PITPNC1: variants seen among roughly 807,000 people sequenced by gnomAD.
PITPNC1 encodes the protein cytoplasmic phosphatidylinositol transfer protein 1.
Under a neutral mutation model 44.7 loss-of-function variants are expected in PITPNC1, and 18 were observed. The observed-to-expected ratio is 0.40, with a 90% CI of 0.28 to 0.60. The LOEUF (loss-of-function observed/expected upper bound fraction) is 0.60, where lower values mean the gene tolerates loss of function less well. Among genes scored for constraint, PITPNC1 ranks in the 20% least tolerant of loss-of-function variants. The pLI is 0.39. For missense variants in PITPNC1, 290 were observed against 418.4 expected (o/e 0.69, Z 2.68); for synonymous variants, 141 against 149.6 (o/e 0.94, Z 0.42).
At chr17:67,510,056 T>C (rs946286782) in intron 1 of PITPNC1, among the ~76,000 whole-genome samples, 3 of 152,208 alleles carry the variant, frequency 2.0e-5, no homozygotes, top group Admixed American at 6.5e-5. Flanking sequence ...GTTCCTCCTA[T>C]TGGGAGGCTT....
chr17:67,692,623 C>T lies in PITPNC1; in HGVS notation c.734C>T (p.Thr245Ile), dbSNP rs1326661123. Residue 245 changes from threonine to isoleucine, a missense_variant, in exon 9 of 9, where the codon ACC becomes ATC. Coordinates refer to ENST00000581322, the MANE Select transcript of PITPNC1 (RefSeq NM_012417.4). ...REFERATQEA[T>I]NKKIGIFPPA... ...TTTGAACGAGCCACTCAGGAAGCCACCAACAAGAAAATCGGCATTTTCCCA... is the reference window on the plus strand; with the variant it reads ...TTTGAACGAGCCACTCAGGAAGCCATCAACAAGAAAATCGGCATTTTCCCA... 1.2e-6 allele frequency: 2 copies of T among 1,613,706 alleles called. No individual in the cohort carries two copies. Among genetic ancestry groups the T allele is most frequent in the Non-Finnish European group, 1.7e-6 (2 of 1,179,766 alleles).
At chr17:67,552,709 C>T (rs942408281) in intron 3 of PITPNC1, among the ~76,000 whole-genome samples, 3 of 151,276 alleles carry the variant, frequency 2.0e-5, no homozygotes, top group Admixed American at 6.6e-5. Context: ...GGTGAAACCC[C>T]GTCTCTACTA....
intron 2 of PITPNC1, among the ~76,000 whole-genome samples, chr17:67,534,553 G>A (rs1381274569): frequency 2.0e-5 from 3 of 151,798 alleles, no homozygotes; most frequent in East Asian, 1.9e-4. Context: ...TGGGAGGATC[G>A]CTTGAGCCTG....
intron 1 of PITPNC1, among the ~76,000 whole-genome samples, chr17:67,413,509 C>T (rs2038540553): frequency 6.6e-6 from 1 of 151,768 alleles, no homozygotes; most frequent in Admixed American, 6.6e-5. Context: ...GTCATCATTA[C>T]TGTCATGCTG....
At position 67,663,295 on chromosome 17, in the gene PITPNC1, C is replaced by T. The variant is rs74377566; in HGVS notation, c.463-6213C>T. Among the ~76,000 whole-genome samples the T allele has an allele frequency of 5.9e-4, 89 of 152,128 alleles. No homozygotes were observed. In the East Asian group the frequency reaches 0.013, roughly 22 times the overall value. On this transcript the variant is annotated intron_variant, in intron 6 of 8. Coordinates refer to ENST00000581322, the MANE Select transcript of PITPNC1 (RefSeq NM_012417.4). ...TTAAAAGTTGAAGCAGTAGGCCGGGCGCGGTGGCTCCTGCCTGTAATCCCA... is the reference window on the plus strand; with the variant it reads ...TTAAAAGTTGAAGCAGTAGGCCGGGTGCGGTGGCTCCTGCCTGTAATCCCA...
At chr17:67,439,790 G>A (rs1255193184) in intron 1 of PITPNC1, among the ~76,000 whole-genome samples, 2 of 152,084 alleles carry the variant, frequency 1.3e-5, no homozygotes, top group Non-Finnish European at 2.9e-5. Flanking sequence ...CACGGATTGT[G>A]TGAAATTTTT....
At chr17:67,379,282 A>G in intron 1 of PITPNC1, 3 of 985,412 alleles carry the variant, frequency 3.0e-6, no homozygotes, top group African/African-American at 1.7e-5. Flanking sequence ...TTTTTGAGCC[A>G]CTACTTGGTG....
intron 1 of PITPNC1, among the ~76,000 whole-genome samples, chr17:67,466,504 C>T (rs908918404): frequency 6.6e-6 from 1 of 152,164 alleles, no homozygotes; most frequent in African/African-American, 2.4e-5. Flanking sequence ...AGGGCCCTCC[C>T]ACACGACCCA....
At chr17:67,618,260 G>T (rs1395098288) in intron 5 of PITPNC1, among the ~76,000 whole-genome samples, 1 of 151,152 alleles carries the variant, frequency 6.6e-6, no homozygotes, top group African/African-American at 2.4e-5. Flanking sequence ...AGCTACTAGG[G>T]AGGCTGAGGC....
At chr17:67,419,649 T>C (rs2038640888) in intron 1 of PITPNC1, among the ~76,000 whole-genome samples, 1 of 152,210 alleles carries the variant, frequency 6.6e-6, no homozygotes, top group Non-Finnish European at 1.5e-5. Context: ...CTCAAGCGTA[T>C]GATCCCAGCA....
At chr17:67,443,174 C>T (rs982531946) in intron 1 of PITPNC1, among the ~76,000 whole-genome samples, 1 of 152,044 alleles carries the variant, frequency 6.6e-6, no homozygotes, top group Non-Finnish European at 1.5e-5. Flanking sequence ...TGGCCCTGTT[C>T]CCACCTCTCT....
At chr17:67,395,391 C>T (rs1043514348) in intron 1 of PITPNC1, among the ~76,000 whole-genome samples, 1 of 152,104 alleles carries the variant, frequency 6.6e-6, no homozygotes, top group African/African-American at 2.4e-5. Flanking sequence ...TCAAGCAATC[C>T]TCCTGTCTTG....
chr17:67,381,864 C>T (rs1442355545), intron 1 of PITPNC1, among the ~76,000 whole-genome samples: 2 of 152,228 alleles, frequency 1.3e-5, no homozygotes, highest in Non-Finnish European at 2.9e-5. Context: ...ACTTTGCCTG[C>T]TTCTTGTGCC....
At chr17:67,687,016 G>C (rs761230292) in intron 8 of PITPNC1, 1 of 1,029,478 alleles carries the variant, frequency 9.7e-7, no homozygotes, top group Non-Finnish European at 1.5e-6. Context: ...TGTCCCCATT[G>C]AAAGTTTGCA....
rs527438125 is a variant in PITPNC1 at position 67,485,467 on chromosome 17, C to T, written c.49-47335C>T. On this transcript the variant is annotated intron_variant, in intron 1 of 8. Coordinates refer to ENST00000581322, the MANE Select transcript of PITPNC1 (RefSeq NM_012417.4). ...GCAACCTCCGCCTCCTGGATTCAGGCGATTCTCCTACCTCAGCCTCCTGAG... is the reference window on the plus strand; with the variant it reads ...GCAACCTCCGCCTCCTGGATTCAGGTGATTCTCCTACCTCAGCCTCCTGAG... Among the ~76,000 whole-genome samples the T allele has an allele frequency of 7.3e-5, 11 of 150,226 alleles. No individual in the cohort carries two copies. The East Asian group carries it at 9.8e-4, about 13-fold the overall frequency.
intron 1 of PITPNC1, among the ~76,000 whole-genome samples, chr17:67,455,308 A>G (rs2039239514): frequency 6.6e-6 from 1 of 152,200 alleles, no homozygotes; most frequent in African/African-American, 2.4e-5. Context: ...TGCTGTTTTG[A>G]ATTTTTCACC....
At chr17:67,562,358 T>C (rs1487245680) in intron 4 of PITPNC1, among the ~76,000 whole-genome samples, 1 of 152,186 alleles carries the variant, frequency 6.6e-6, no homozygotes, top group Non-Finnish European at 1.5e-5. Context: ...TTCGGAGCTC[T>C]GCCTTCCACA....
At chr17:67,400,270 T>G (rs1372177125) in intron 1 of PITPNC1, among the ~76,000 whole-genome samples, 2 of 152,234 alleles carry the variant, frequency 1.3e-5, no homozygotes, top group African/African-American at 4.8e-5. Context: ...GATTAGTTTA[T>G]TTCCAGCCCT....
At chr17:67,643,965 G>A (rs1340552864) in intron 6 of PITPNC1, among the ~76,000 whole-genome samples, 2 of 152,122 alleles carry the variant, frequency 1.3e-5, no homozygotes, top group Non-Finnish European at 2.9e-5. Flanking sequence ...CGGTGTGAGT[G>A]GAGAACAGGA....
Sources: allele counts gnomAD v4.1 joint callset (sites outside exome capture counted in the v4.1 genomes callset), GRCh38; gene constraint gnomAD v4.1.1; transcripts MANE v1.5; gene names NCBI Gene and HGNC (gene_info 2026-07-23, HGNC 2026-07-21).